Variants in ACSM2A observed in about 807,000 individuals in gnomAD.
ACSM2A encodes the protein acyl-coenzyme A synthetase ACSM2A, mitochondrial.
A neutral mutation model predicts 76.6 loss-of-function variants in ACSM2A; 72 were observed. That is an observed-to-expected ratio of 0.94 (90% CI 0.78 to 1.14). The LOEUF (loss-of-function observed/expected upper bound fraction) is 1.14. Among genes scored for constraint, ACSM2A ranks in the 50% most tolerant of loss-of-function variants. The probability of loss-of-function intolerance (pLI) is 0.00; values close to 1 mark genes in which losing one functional copy is unlikely to be tolerated. For missense variants in ACSM2A, 684 were observed against 708.5 expected (o/e 0.97, Z 0.39); for synonymous variants, 249 against 255.9 (o/e 0.97, Z 0.26).
At chr16:20,470,974 T>G in intron 4 of ACSM2A, 99 bp from the exon 5 acceptor site, 2 of 1,489,608 alleles carry the variant, frequency 1.3e-6, no homozygotes, top group Middle Eastern at 2.3e-4. Flanking sequence ...TCCATCAACT[T>G]GCCCTTTTCA....
At chr16:20,466,181 G>A (rs1160536825) in intron 3 of ACSM2A, among the ~76,000 whole-genome samples, 2 of 151,864 alleles carry the variant, frequency 1.3e-5, no homozygotes, top group Admixed American at 6.6e-5. Context: ...TTGAGTAGTT[G>A]GAACAAGAGA....
Position 20,454,381 on chromosome 16 carries a change from A to G in ACSM2A, c.-9+2700A>G, listed in dbSNP as rs1243147770. Among the ~76,000 whole-genome samples the G allele has an allele frequency of 2.6e-5, 4 of 152,142 alleles. 1 individual carries two copies. Among genetic ancestry groups the G allele is most frequent in the East Asian group, 3.9e-4 (2 of 5,148 alleles). ...GGGGTCACTGACTTTGTAAACTCCAATGAACTTTTTTTGCCAGAAGAAACA... is the reference window on the plus strand; with the variant it reads ...GGGGTCACTGACTTTGTAAACTCCAGTGAACTTTTTTTGCCAGAAGAAACA... On this transcript the variant is annotated intron_variant, in intron 1 of 13. Coordinates refer to ENST00000573854, the MANE Select transcript of ACSM2A (RefSeq NM_001308172.2).
chr16:20,478,026 T>C (rs1236756810), intron 9 of ACSM2A, among the ~76,000 whole-genome samples: 1 of 152,226 alleles, frequency 6.6e-6, no homozygotes, highest in East Asian at 1.9e-4. Flanking sequence ...TAGTTCTGTA[T>C]ATCTAAAGTG....
At chr16:20,477,288 C>A in intron 8 of ACSM2A, 81 bp from the exon 9 acceptor site, 1 of 1,561,708 alleles carries the variant, frequency 6.4e-7, no homozygotes, top group Middle Eastern at 1.7e-4. Context: ...GTGTCAGGAC[C>A]TGCTCTGCAG....
intron 1 of ACSM2A, 55 bp from the exon 2 acceptor site, chr16:20,460,052 C>G: frequency 3.9e-6 from 6 of 1,527,864 alleles, no homozygotes; most frequent in Non-Finnish European, 4.4e-6. Flanking sequence ...TGCTGATGAT[C>G]AGTAGAGCAA....
At chr16:20,485,153 T>A (rs1015340162) in intron 13 of ACSM2A, among the ~76,000 whole-genome samples, 13 of 152,158 alleles carry the variant, frequency 8.5e-5, no homozygotes, top group African/African-American at 3.1e-4. Flanking sequence ...ATAATAAACA[T>A]TTAATAAGTA....
intron 1 of ACSM2A, among the ~76,000 whole-genome samples, chr16:20,454,705 G>A (rs1303470490): frequency 6.6e-6 from 1 of 151,896 alleles, no homozygotes; most frequent in Non-Finnish European, 1.5e-5. Context: ...CTACCCAAAT[G>A]AGAAGGAACC....
chr16:20,452,988 G>C (rs547805806), intron 1 of ACSM2A, among the ~76,000 whole-genome samples: 1 of 152,114 alleles, frequency 6.6e-6, no homozygotes, highest in Non-Finnish European at 1.5e-5. Context: ...AGTGGATAAA[G>C]TGATGAAAGA....
chr16:20,464,865 A>T (rs2012880627), intron 2 of ACSM2A, among the ~76,000 whole-genome samples: 1 of 152,158 alleles, frequency 6.6e-6, no homozygotes, highest in African/African-American at 2.4e-5. Context: ...GATGGTGGTG[A>T]TTGTTGCATA....
chr16:20,458,794 A>G (rs905189620), intron 1 of ACSM2A, among the ~76,000 whole-genome samples: 109 of 142,574 alleles, frequency 7.6e-4, no homozygotes, highest in African/African-American at 2.6e-3. Context: ...TGTATATTAC[A>G]TATATATAAT....
chr16:20,487,138 G>T lies in ACSM2A; in HGVS notation c.*460G>T, dbSNP rs1051632097. On this transcript the variant is annotated 3_prime_UTR_variant, in exon 14 of 14. Transcript: ENST00000573854. The stretch of plus-strand genomic sequence containing the variant: ...AGAAAGAGCAAAAGAACACAAGAAA[G>T]AAAGAGAGGGAGAAAGAGAGGGAGA... 15 of 150,314 alleles carry T rather than the reference G, an allele frequency of 1.0e-4. No individual in the cohort carries two copies. Among genetic ancestry groups the T allele is most frequent in the African/African-American group, 3.7e-4 (15 of 40,760 alleles). 9.3% of individuals were successfully genotyped at this position (150,314 alleles called of 1,614,324 possible).
rs137882893 is a variant in ACSM2A at position 20,474,893 on chromosome 16, A to G, written c.895-469A>G. 2.9e-4 allele frequency among the ~76,000 whole-genome samples: 44 copies of G among 152,354 alleles called. 2 individuals are homozygous for G. The East Asian group carries it at 8.3e-3, about 29-fold the overall frequency. On this transcript the variant is annotated intron_variant, in intron 6 of 13. Coordinates refer to ENST00000573854, the MANE Select transcript of ACSM2A (RefSeq NM_001308172.2). Reference sequence around the variant, plus strand: ...TCTATAGATGTCTTTAGCTTTTCAAAGAACTTTTATATCTAAAATATATTC... The same window carrying G: ...TCTATAGATGTCTTTAGCTTTTCAAGGAACTTTTATATCTAAAATATATTC...
intron 4 of ACSM2A, among the ~76,000 whole-genome samples, chr16:20,470,519 C>A (rs1596658396): frequency 6.6e-6 from 1 of 152,158 alleles, no homozygotes. Flanking sequence ...TTTCTAATGC[C>A]ATGGTCTTTA....
At position 20,471,568 on chromosome 16, in the gene ACSM2A, G is replaced by C; in HGVS notation, c.773G>C (p.Trp258Ser). The C allele has an allele frequency of 6.2e-7, 1 of 1,613,896 alleles. No homozygotes were observed. Among genetic ancestry groups the C allele is most frequent in the Non-Finnish European group, 8.5e-7 (1 of 1,179,876 alleles). ...WTGLQASDIMWTISDTGWILN... is the reference protein window; with the variant it reads ...WTGLQASDIMSTISDTGWILN... ...GGCCTGCAAGCCTCTGATATAATGT[G>C]GACCATATCAGACACAGGTTGGATA... Residue 258 changes from tryptophan to serine, a missense_variant, in exon 6 of 14, where the codon TGG becomes TCG. By Grantham distance (177) the Trp-to-Ser change is radical. This residue lies in a region of ACSM2A where 519 missense variants were observed against 549.5 expected (regional missense o/e 0.94). Coordinates refer to ENST00000573854, the MANE Select transcript of ACSM2A (RefSeq NM_001308172.2).
intron 2 of ACSM2A, among the ~76,000 whole-genome samples, chr16:20,462,971 T>C (rs1284571574): frequency 4.0e-5 from 6 of 150,922 alleles, no homozygotes; most frequent in Non-Finnish European, 8.8e-5. Context: ...CTCAGCAAAC[T>C]ATCGCAAGGA....
chr16:20,475,293 C>A (rs2013666378), intron 6 of ACSM2A, 69 bp from the exon 7 acceptor site: 1 of 1,610,970 alleles, frequency 6.2e-7, no homozygotes, highest in Non-Finnish European at 8.5e-7. Context: ...ACAATTGTAA[C>A]CACTGTGCAT....
At chr16:20,462,730 T>C (rs566494036) in intron 2 of ACSM2A, among the ~76,000 whole-genome samples, 1 of 152,228 alleles carries the variant, frequency 6.6e-6, no homozygotes, top group South Asian at 2.1e-4. Flanking sequence ...ATGATGGGTA[T>C]GTAAAATGTT....
chr16:20,458,770 C>CAGGAGTG (rs2012372584), intron 1 of ACSM2A, among the ~76,000 whole-genome samples: 2 of 141,330 alleles, frequency 1.4e-5, no homozygotes, highest in African/African-American at 5.1e-5. Flanking sequence ...AAGAAAGGCA[C>CAGGAGTG]AGGAGTGTGG....
intron 13 of ACSM2A, among the ~76,000 whole-genome samples, chr16:20,484,207 A>C (rs1046564942): frequency 6.7e-6 from 1 of 149,838 alleles, no homozygotes; most frequent in East Asian, 1.9e-4. Context: ...GAGCTGCCCT[A>C]CCCCATGACA....
Sources: allele counts gnomAD v4.1 joint callset (sites outside exome capture counted in the v4.1 genomes callset), GRCh38; gene constraint gnomAD v4.1.1; regional missense constraint gnomAD v4.1.1; transcripts MANE v1.5; gene names NCBI Gene and HGNC (gene_info 2026-07-23, HGNC 2026-07-21).